Variants in PDE10A observed in about 807,000 individuals in gnomAD.
PDE10A encodes the protein cAMP and cAMP-inhibited cGMP 3',5'-cyclic phosphodiesterase 10A.
A neutral mutation model predicts 97.7 loss-of-function variants in PDE10A; 39 were observed. The observed-to-expected ratio is 0.40, with a 90% CI of 0.31 to 0.52. The LOEUF (loss-of-function observed/expected upper bound fraction) is 0.52. Ranked by LOEUF, PDE10A falls within the 20% of genes least tolerant of loss-of-function variation. The probability of loss-of-function intolerance (pLI) is 0.56; values close to 1 mark genes in which losing one functional copy is unlikely to be tolerated. For missense variants in PDE10A, 731 were observed against 1,047.8 expected (o/e 0.70, Z 4.17); for synonymous variants, 371 against 376.8 (o/e 0.98, Z 0.18).
At chr6:165,413,432 C>G in intron 13 of PDE10A, 69 bp downstream of exon 13, 1 of 1,096,194 alleles carries the variant, frequency 9.1e-7, no homozygotes, top group Non-Finnish European at 1.3e-6. Flanking sequence ...AGCCCTTAAG[C>G]TGCTTTATGA....
chr6:165,381,880 A>T (rs1784959138), intron 17 of PDE10A, among the ~76,000 whole-genome samples: 1 of 152,176 alleles, frequency 6.6e-6, no homozygotes, highest in Non-Finnish European at 1.5e-5. Context: ...GCAGACAAAC[A>T]GTATCTTCTT....
chr6:165,507,478 A>T (rs1054314075), intron 2 of PDE10A, among the ~76,000 whole-genome samples: 18 of 152,040 alleles, frequency 1.2e-4, no homozygotes, highest in Non-Finnish European at 1.9e-4. Flanking sequence ...TACTATCATG[A>T]TCTACCTGGA....
chr6:165,585,895 C>T (rs1256927367), intron 1 of PDE10A, among the ~76,000 whole-genome samples: 1 of 152,128 alleles, frequency 6.6e-6, no homozygotes, highest in Admixed American at 6.5e-5. Flanking sequence ...TCCAACATCC[C>T]CCCCTTGCGC....
In PDE10A at chr6:165,655,579, A is replaced by G. The variant is rs183291529; in HGVS notation, c.865+6368T>C. ...ACCGCGGCATTTTGCTTCTACCATC[A>G]TCGCCGTGATCCAAGTTACCATTGC... On this transcript the variant is annotated intron_variant, in intron 1 of 21. Coordinates refer to ENST00000539869, the MANE Select transcript of PDE10A (RefSeq NM_001385079.1). This position sits in a 1 kb window ranked among gnomAD's most constrained non-coding sequence, Gnocchi z 4.5. 5.3e-5 allele frequency among the ~76,000 whole-genome samples: 8 copies of G among 152,074 alleles called. No individual in the cohort carries two copies. The East Asian group carries it at 1.4e-3, about 26-fold the overall frequency.
At chr6:165,905,938 A>AT (rs577013951) in intron 1 of PDE10A, among the ~76,000 whole-genome samples, 2 of 149,214 alleles carry the variant, frequency 1.3e-5, no homozygotes, top group African/African-American at 2.5e-5. Flanking sequence ...TTATAAAACA[A>AT]TTTTTTTCCT....
At chr6:165,936,204 A>G (rs982144014) in intron 1 of PDE10A, among the ~76,000 whole-genome samples, 1 of 152,192 alleles carries the variant, frequency 6.6e-6, no homozygotes, top group African/African-American at 2.4e-5. Flanking sequence ...CCTCTGATGT[A>G]TTCATGCAGA....
intron 1 of PDE10A, among the ~76,000 whole-genome samples, chr6:165,749,096 C>T (rs1236329600): frequency 6.6e-6 from 1 of 152,152 alleles, no homozygotes; most frequent in East Asian, 1.9e-4. Flanking sequence ...GCATGTTAAT[C>T]AGTTAATCAC....
intron 2 of PDE10A, among the ~76,000 whole-genome samples, chr6:165,498,154 G>GT: frequency 6.6e-6 from 1 of 152,016 alleles, no homozygotes; most frequent in Middle Eastern, 3.4e-3. Context: ...GCTCACAGCT[G>GT]TAATCCCAGC....
intron 3 of PDE10A, among the ~76,000 whole-genome samples, chr6:165,452,792 G>C (rs930428320): frequency 1.3e-5 from 2 of 152,116 alleles, no homozygotes; most frequent in Non-Finnish European, 2.9e-5. Flanking sequence ...TGTGGAAGCA[G>C]CTTTGGAACT....
chr6:165,503,780 A>G (rs1398906244), intron 2 of PDE10A, among the ~76,000 whole-genome samples: 2 of 152,222 alleles, frequency 1.3e-5, no homozygotes, highest in Non-Finnish European at 2.9e-5. Context: ...CTAAGTATCT[A>G]TAAGACCAAG....
chr6:165,934,595 T>C (rs990395969), intron 1 of PDE10A, among the ~76,000 whole-genome samples: 2 of 152,274 alleles, frequency 1.3e-5, no homozygotes, highest in Middle Eastern at 3.4e-3. Context: ...TAAACTACCA[T>C]AAACAAGTGG....
At chr6:165,870,663 T>C (rs1474490475) in intron 1 of PDE10A, among the ~76,000 whole-genome samples, 2 of 152,212 alleles carry the variant, frequency 1.3e-5, no homozygotes, top group African/African-American at 4.8e-5. Flanking sequence ...CCTGTGTTTC[T>C]TGCAGCACAA....
At chr6:165,547,536 C>T (rs1783799364) in intron 1 of PDE10A, among the ~76,000 whole-genome samples, 2 of 152,106 alleles carry the variant, frequency 1.3e-5, no homozygotes, top group Admixed American at 6.5e-5. Context: ...CAACAAAAGG[C>T]ATAATAAAGA....
intron 9 of PDE10A, among the ~76,000 whole-genome samples, chr6:165,429,716 C>T (rs958267073): frequency 6.6e-6 from 1 of 151,986 alleles, no homozygotes; most frequent in African/African-American, 2.4e-5. Context: ...TATATAGATG[C>T]AGACTCCTGT....
chr6:165,687,119 C>A (rs1025011034), intron 1 of PDE10A, among the ~76,000 whole-genome samples: 1 of 152,238 alleles, frequency 6.6e-6, no homozygotes, highest in East Asian at 1.9e-4. Context: ...ATCTCCCTCG[C>A]CTTCGTTTCC....
intron 1 of PDE10A, chr6:165,949,919 G>A (rs1310262540): frequency 6.6e-6 from 1 of 152,072 alleles, no homozygotes; most frequent in Non-Finnish European, 1.5e-5. Context: ...TGATCCCTGG[G>A]GGAAAAATGA....
intron 1 of PDE10A, among the ~76,000 whole-genome samples, chr6:165,934,027 C>A (rs1783239579): frequency 6.6e-6 from 1 of 151,540 alleles, no homozygotes; most frequent in Admixed American, 6.6e-5. Context: ...CTGCGATGCC[C>A]AGGCTGAGTG....
Position 165,435,265 on chromosome 6 carries a change from T to C in PDE10A, c.1307A>G (p.Lys436Arg). The C allele has an allele frequency of 1.2e-6, 2 of 1,614,080 alleles. No homozygotes were observed. Among genetic ancestry groups the C allele is most frequent in the Non-Finnish European group, 1.7e-6 (2 of 1,179,946 alleles). ...AAGGATGTCTTCTACTAGCAGTGTT[T>C]TCCTGGACTTGGCCACATAAGCAGA... ...TVSAYVAKSR[K>R]TLLVEDILGD... The change falls in exon 6 of 22, where the codon AAA becomes AGA. Residue 436 changes from lysine (K) to arginine (R), a missense_variant. Lys to Arg is a conservative substitution (Grantham distance 26). Around this residue, in one of 8 missense-constraint regions of PDE10A, gnomAD observed 152 missense variants for 199.3 expected, o/e 0.76. Coordinates refer to ENST00000539869, the MANE Select transcript of PDE10A (RefSeq NM_001385079.1).
At chr6:165,684,682 G>T (rs548019064) in intron 1 of PDE10A, among the ~76,000 whole-genome samples, 2 of 152,248 alleles carry the variant, frequency 1.3e-5, no homozygotes, top group South Asian at 4.1e-4. Context: ...CTCTATTTGG[G>T]TATTTTTGTG....
Sources: gnomAD v4.1 joint callset for allele counts (sites outside exome capture counted in the v4.1 genomes callset) on GRCh38, gnomAD v4.1.1 for gene constraint, gnomAD v4.1.1 regional missense constraint, Gnocchi (gnomAD v3.1) non-coding constraint, MANE v1.5 for transcripts, NCBI Gene and HGNC (gene_info 2026-07-23, HGNC 2026-07-21) for gene names.